RAB3C: variants seen among roughly 807,000 people sequenced by gnomAD.
RAB3C encodes RAB3C, member RAS oncogene family, also known as ras-related protein Rab-3C.
A neutral mutation model predicts 26.4 loss-of-function variants in RAB3C; 17 were observed. That is an observed-to-expected ratio of 0.64 (90% confidence interval 0.44 to 0.97). The LOEUF (loss-of-function observed/expected upper bound fraction) is 0.97, where lower values mean the gene tolerates loss of function less well. RAB3C is among the 50% of genes least tolerant of loss of function. The pLI is 0.00. For missense variants in RAB3C, 242 were observed against 281.9 expected (o/e 0.86, Z 1.01); for synonymous variants, 91 against 95.9 (o/e 0.95, Z 0.30).
At chr5:58,820,750 A>C (rs1439574360) in intron 3 of RAB3C, among the ~76,000 whole-genome samples, 3 of 152,216 alleles carry the variant, frequency 2.0e-5, no homozygotes, top group Non-Finnish European at 4.4e-5. Flanking sequence ...TATTTCTTAT[A>C]TAAGAGCAAA....
chr5:58,717,045 G>A (rs1749186833), intron 2 of RAB3C, among the ~76,000 whole-genome samples: 2 of 152,062 alleles, frequency 1.3e-5, no homozygotes, highest in African/African-American at 4.8e-5. Context: ...TAGTGGAGGA[G>A]GCTATGCATG....
intron 4 of RAB3C, among the ~76,000 whole-genome samples, chr5:58,844,533 T>C (rs1015762834): frequency 6.6e-6 from 1 of 152,216 alleles, no homozygotes; most frequent in African/African-American, 2.4e-5. Flanking sequence ...CGAGCTAATA[T>C]GCCAGTTTGT....
chr5:58,753,975 A>T (rs937256617), intron 3 of RAB3C, among the ~76,000 whole-genome samples: 2 of 152,248 alleles, frequency 1.3e-5, no homozygotes, highest in Non-Finnish European at 2.9e-5. Flanking sequence ...GCTTGCCAAC[A>T]TTAGTGGGCC....
chr5:58,754,058 G>C (rs887425403), intron 3 of RAB3C, among the ~76,000 whole-genome samples: 1 of 152,072 alleles, frequency 6.6e-6, no homozygotes, highest in Non-Finnish European at 1.5e-5. Context: ...GGTGGAAGTG[G>C]GAGATTCTTC....
intron 4 of RAB3C, among the ~76,000 whole-genome samples, chr5:58,849,356 G>A (rs547066436): frequency 1.2e-4 from 19 of 152,158 alleles, no homozygotes; most frequent in African/African-American, 4.6e-4. Flanking sequence ...ATTAGGTCTG[G>A]GAAAATCACC....
chr5:58,632,785 C>A (rs896275438), intron 2 of RAB3C, among the ~76,000 whole-genome samples: 3 of 152,194 alleles, frequency 2.0e-5, no homozygotes, highest in Non-Finnish European at 2.9e-5. Flanking sequence ...CTTTCCCTAC[C>A]AGCCTATTAC....
At chr5:58,733,982 T>A (rs144858091) in intron 3 of RAB3C, among the ~76,000 whole-genome samples, 27 of 152,338 alleles carry the variant, frequency 1.8e-4, no homozygotes, top group African/African-American at 5.0e-4. Flanking sequence ...TTTATTTACA[T>A]TCTGCTTTTT....
chr5:58,715,464 A>C (rs293022), intron 2 of RAB3C, among the ~76,000 whole-genome samples: 1 of 147,216 alleles, frequency 6.8e-6, no homozygotes, highest in Non-Finnish European at 1.5e-5. Context: ...AAGGAAGAAG[A>C]AGAAGAATCT....
At chr5:58,742,751 CAG>C (rs1741304609) in intron 3 of RAB3C, among the ~76,000 whole-genome samples, 2 of 152,108 alleles carry the variant, frequency 1.3e-5, no homozygotes, top group Non-Finnish European at 2.9e-5. Context: ...TCTGAATTGA[CAG>C]AGCAGAGTTT....
intron 4 of RAB3C, chr5:58,847,177 A>G (rs1289813991): frequency 6.6e-6 from 1 of 152,212 alleles, no homozygotes; most frequent in Non-Finnish European, 1.5e-5. Context: ...CTGATGAAGA[A>G]ACCTACATGA....
chr5:58,591,333 T>C (rs1746123725), intron 1 of RAB3C, among the ~76,000 whole-genome samples: 1 of 152,070 alleles, frequency 6.6e-6, no homozygotes, highest in African/African-American at 2.4e-5. Flanking sequence ...GTTAAAGAGG[T>C]TTTCAAATCT....
intron 3 of RAB3C, among the ~76,000 whole-genome samples, chr5:58,787,846 T>C (rs1435047551): frequency 6.6e-6 from 1 of 152,206 alleles, no homozygotes; most frequent in Non-Finnish European, 1.5e-5. Context: ...TGCTGTTAGA[T>C]TCTCAGCTGT....
At chr5:58,705,948 C>A (rs1748935119) in intron 2 of RAB3C, among the ~76,000 whole-genome samples, 1 of 152,136 alleles carries the variant, frequency 6.6e-6, no homozygotes, top group Admixed American at 6.6e-5. Context: ...TTTCATATTG[C>A]TCCTAGTACC....
At chr5:58,624,814 T>C (rs1747019116) in intron 2 of RAB3C, among the ~76,000 whole-genome samples, 1 of 151,854 alleles carries the variant, frequency 6.6e-6, no homozygotes, top group African/African-American at 2.4e-5. Flanking sequence ...TTGGGACAAA[T>C]GACTTCACCT....
Position 58,617,981 on chromosome 5 carries a change from A to G in RAB3C, c.252+111A>G, listed in dbSNP as rs558921828. ...ATCCCCAGGGCATCCACAAGCCTCA[A>G]TTTCCAGCTTCTTTGCTGCAGAACA... On this transcript the variant is annotated intron_variant, in intron 2 of 4. Coordinates refer to ENST00000282878, the MANE Select transcript of RAB3C (RefSeq NM_138453.4). 6.8e-5 allele frequency: 45 copies of G among 663,314 alleles called. No individual in the cohort carries two copies. The East Asian group carries it at 1.0e-3, about 15-fold the overall frequency. The allele number at this position is 663,314 out of a possible 1,614,324, so 41.1% of individuals were successfully genotyped here.
In RAB3C at chr5:58,616,845, A is replaced by G. The variant is rs561092640; in HGVS notation, c.25-798A>G. On this transcript the variant is annotated intron_variant, in intron 1 of 4. Coordinates refer to ENST00000282878, the MANE Select transcript of RAB3C (RefSeq NM_138453.4). The stretch of plus-strand genomic sequence containing the variant: ...TATTTCCGACATGATCTTCTAGGGC[A>G]CTTGCGCATGCCTCCCTAGTCGTCA... 2.4e-3 allele frequency among the ~76,000 whole-genome samples: 361 copies of G among 152,272 alleles called. 1 individual carries two copies. The highest frequency in any genetic ancestry group is 8.4e-3 in the African/African-American group (351 of 41,566).
chr5:58,855,863 C>T lies in RAB3C; in HGVS notation c.*4512C>T, dbSNP rs1395594087. The T allele has an allele frequency of 2.0e-5, 3 of 152,164 alleles. No individual in the cohort carries two copies. The highest frequency in any genetic ancestry group is 7.2e-5 in the African/African-American group (3 of 41,446). The allele number at this position is 152,164 out of a possible 1,614,324, so 9.4% of individuals were successfully genotyped here. A position where few individuals can be genotyped will look rare whatever the true frequency, so the allele number is the denominator to read the frequency against. On this transcript the variant is annotated 3_prime_UTR_variant, in exon 5 of 5. Coordinates refer to ENST00000282878, the MANE Select transcript of RAB3C (RefSeq NM_138453.4). ...TATAGTACCCCCTAACAGGGAAAAA[C>T]CAAGTTGGGGGATTTATCTAAAATG...
intron 2 of RAB3C, among the ~76,000 whole-genome samples, chr5:58,686,429 G>C (rs1748445743): frequency 6.6e-6 from 1 of 152,066 alleles, no homozygotes; most frequent in African/African-American, 2.4e-5. Flanking sequence ...GAATAGACTT[G>C]CTAAAGTTTT....
Position 58,726,108 on chromosome 5 carries a change from C to G in RAB3C, c.359C>G (p.Ala120Gly). ...YDITNEESFN[A>G]VQDWSTQIKT... Reference sequence around the variant, plus strand: ...ATTACAAATGAAGAATCCTTCAATGCAGTACAAGATTGGTAAGTCAGAGCA... The same window carrying G: ...ATTACAAATGAAGAATCCTTCAATGGAGTACAAGATTGGTAAGTCAGAGCA... The change falls in exon 3 of 5, where the codon GCA becomes GGA. Residue 120 changes from alanine to glycine, a missense_variant. Physicochemically the swap from Ala to Gly is moderately conservative, Grantham distance 60 (BLOSUM62 0). Transcript: ENST00000282878. 1 of 1,557,010 alleles carries G rather than the reference C, an allele frequency of 6.4e-7. No homozygotes were observed. The highest frequency in any genetic ancestry group is 1.1e-5 in the South Asian group (1 of 87,928).
Sources: gnomAD v4.1 joint callset for allele counts (sites outside exome capture counted in the v4.1 genomes callset) on GRCh38, gnomAD v4.1.1 for gene constraint, MANE v1.5 for transcripts, NCBI Gene and HGNC (gene_info 2026-07-23, HGNC 2026-07-21) for gene names.